The following EPB41L3 variants were observed in gnomAD, a reference collection of about 807,000 sequenced individuals.
EPB41L3 encodes the protein erythrocyte membrane protein band 4.1 like 3.
In EPB41L3, 57 loss-of-function variants were observed where a neutral mutation model predicts 127.1. The observed-to-expected ratio is 0.45, with a 90% CI of 0.36 to 0.56. The LOEUF is 0.56. Ranked by LOEUF, EPB41L3 falls within the 20% of genes least tolerant of loss-of-function variation. The pLI is 0.00. For missense variants in EPB41L3, 1,273 were observed against 1,372.2 expected (o/e 0.93, Z 1.14); for synonymous variants, 572 against 549.5 (o/e 1.04, Z -0.57).
chr18:5,428,524 G>A, intron 8 of EPB41L3, 59 bp from the exon 9 acceptor site: 1 of 1,595,444 alleles, frequency 6.3e-7, no homozygotes, highest in Non-Finnish European at 8.6e-7. Flanking sequence ...ATTTTCTGCT[G>A]GGTAAAGTAT....
chr18:5,431,715 G>C (rs1444191929), intron 8 of EPB41L3, among the ~76,000 whole-genome samples: 2 of 152,194 alleles, frequency 1.3e-5, no homozygotes, highest in East Asian at 3.9e-4. Flanking sequence ...AATAGCTTCA[G>C]ATTCACTCAA....
At chr18:5,408,565 A>G (rs2075802418) in intron 14 of EPB41L3, among the ~76,000 whole-genome samples, 1 of 151,254 alleles carries the variant, frequency 6.6e-6, no homozygotes, top group African/African-American at 2.4e-5. Context: ...GTGAGCCACC[A>G]CGCCCAGCCA....
At chr18:5,503,870 T>C (rs1457435267) in intron 1 of EPB41L3, among the ~76,000 whole-genome samples, 4 of 152,250 alleles carry the variant, frequency 2.6e-5, no homozygotes, top group Non-Finnish European at 5.9e-5. Flanking sequence ...TAAGATGCAC[T>C]ACTCATTTCA....
chr18:5,463,198 T>C (rs562699285), intron 3 of EPB41L3, among the ~76,000 whole-genome samples: 1 of 152,226 alleles, frequency 6.6e-6, no homozygotes, highest in Non-Finnish European at 1.5e-5. Flanking sequence ...CCCTGTTCTA[T>C]TCTCTTAGCC....
intron 11 of EPB41L3, among the ~76,000 whole-genome samples, chr18:5,422,560 A>G (rs2077611075): frequency 6.6e-6 from 1 of 152,222 alleles, no homozygotes; most frequent in African/African-American, 2.4e-5. Flanking sequence ...ATCTTCTATT[A>G]AAAACAACAA....
chr18:5,402,973 T>C (rs1359372137), intron 16 of EPB41L3, among the ~76,000 whole-genome samples: 1 of 152,204 alleles, frequency 6.6e-6, no homozygotes, highest in Non-Finnish European at 1.5e-5. Context: ...AACACGCCTG[T>C]AAAACTATCA....
chr18:5,399,718 G>A (rs755799784), intron 16 of EPB41L3: 2 of 184,510 alleles, frequency 1.1e-5, no homozygotes, highest in Non-Finnish European at 2.2e-5. Flanking sequence ...TATTGATGTT[G>A]CTCTATAAGT....
At chr18:5,418,285 G>A (rs1210397906) in intron 12 of EPB41L3, among the ~76,000 whole-genome samples, 2 of 152,152 alleles carry the variant, frequency 1.3e-5, no homozygotes, top group African/African-American at 4.8e-5. Context: ...ACCAAGTGAG[G>A]ACAGCTTAGT....
At chr18:5,488,605 T>A (rs76401847) in intron 2 of EPB41L3, among the ~76,000 whole-genome samples, 215 of 151,536 alleles carry the variant, frequency 1.4e-3, no homozygotes, top group Non-Finnish European at 2.5e-3. Flanking sequence ...ATAATAATAA[T>A]AAAAGCAGAT....
intron 1 of EPB41L3, among the ~76,000 whole-genome samples, chr18:5,516,967 T>C (rs1231450714): frequency 6.6e-6 from 1 of 152,208 alleles, no homozygotes; most frequent in African/African-American, 2.4e-5. Flanking sequence ...TTAAGCCAGA[T>C]TGCAAGTCAA....
intron 3 of EPB41L3, among the ~76,000 whole-genome samples, chr18:5,471,053 T>C (rs2086052330): frequency 6.6e-6 from 1 of 152,104 alleles, no homozygotes; most frequent in Non-Finnish European, 1.5e-5. Flanking sequence ...CTACAGTAGG[T>C]GTGAGCTGGT....
At chr18:5,508,981 T>C (rs911830954) in intron 1 of EPB41L3, among the ~76,000 whole-genome samples, 36 of 152,088 alleles carry the variant, frequency 2.4e-4, no homozygotes, top group Non-Finnish European at 4.9e-4. Flanking sequence ...CAGTCTCTCA[T>C]GGAAGTGTTA....
At position 5,406,835 on chromosome 18, in the gene EPB41L3, A is replaced by G; in HGVS notation, c.2291T>C (p.Val764Ala). 6.2e-7 allele frequency: 1 copy of G among 1,614,180 alleles called. No individual in the cohort carries two copies. Among genetic ancestry groups the G allele is most frequent in the Non-Finnish European group, 8.5e-7 (1 of 1,180,012 alleles). ...ATCCTCCTGCCTGGCGGCCAGTCGC[A>G]CGGGGGAGGTGGAAAGCCTCTTCTC... Reference protein sequence around the residue: ...EWEKRLSTSPVRLAARQEDAP... With the variant: ...EWEKRLSTSPARLAARQEDAP... Residue 764 changes from valine to alanine, a missense_variant, in exon 16 of 23, where the codon GTG (valine) becomes GCG (alanine). Transcript: ENST00000341928.
intron 1 of EPB41L3, among the ~76,000 whole-genome samples, chr18:5,504,395 T>C (rs1214469778): frequency 6.6e-6 from 1 of 152,192 alleles, no homozygotes; most frequent in South Asian, 2.1e-4. Flanking sequence ...AATTATCTTC[T>C]CATAATATCT....
Position 5,393,405 on chromosome 18 carries a change from A to T in EPB41L3, c.*80T>A. On this transcript the variant is annotated 3_prime_UTR_variant, in exon 23 of 23. Transcript: ENST00000341928. Reference sequence around the variant, plus strand: ...ACAGATACAAGTCAGTTGGGTTAGAAGAGGGAACTCCATATAGGCTCTGGT... The same window carrying T: ...ACAGATACAAGTCAGTTGGGTTAGATGAGGGAACTCCATATAGGCTCTGGT... The T allele has an allele frequency of 1.5e-6, 1 of 688,626 alleles. No homozygotes were observed. The highest frequency in any genetic ancestry group is 1.5e-5 in the South Asian group (1 of 64,724). 42.7% of individuals were successfully genotyped at this position (688,626 alleles called of 1,614,324 possible).
In EPB41L3 at chr18:5,436,195, A is replaced by G. The variant is rs148704023; in HGVS notation, c.605+1840T>C. ...CTAGTATATGGATAGAACAAAGCAC[A>G]CCTGGTACCTTGTATATAAGAAATG... On this transcript the variant is annotated intron_variant, in intron 6 of 22. Coordinates refer to ENST00000341928, the MANE Select transcript of EPB41L3 (RefSeq NM_012307.5). Among the ~76,000 whole-genome samples, 416 of 152,270 alleles carry G rather than the reference A, an allele frequency of 2.7e-3. 1 individual carries two copies. The highest frequency in any genetic ancestry group is 9.8e-3 in the African/African-American group (406 of 41,562).
At chr18:5,533,584 C>T (rs557897695) in intron 1 of EPB41L3, among the ~76,000 whole-genome samples, 1 of 152,136 alleles carries the variant, frequency 6.6e-6, no homozygotes, top group Admixed American at 6.5e-5. Flanking sequence ...CCACATAGCT[C>T]AGTATGATTT....
intron 1 of EPB41L3, among the ~76,000 whole-genome samples, chr18:5,617,324 T>A (rs751717770): frequency 0.098 from 14,774 of 150,572 alleles, 710 homozygotes; most frequent in South Asian, 0.22. Flanking sequence ...ATTATTATTT[T>A]TTTTTTTTTT....
At chr18:5,403,922 T>TA (rs906146525) in intron 16 of EPB41L3, among the ~76,000 whole-genome samples, 3 of 152,250 alleles carry the variant, frequency 2.0e-5, no homozygotes, top group East Asian at 1.9e-4. Flanking sequence ...TACAAACAAT[T>TA]AAAAAAAGGA....
Sources: allele counts gnomAD v4.1 joint callset (sites outside exome capture counted in the v4.1 genomes callset), GRCh38; gene constraint gnomAD v4.1.1; transcripts MANE v1.5; gene names NCBI Gene and HGNC (gene_info 2026-07-23, HGNC 2026-07-21).